Variants in ZGRF1 observed in about 807,000 individuals in gnomAD.
ZGRF1 encodes the protein zinc finger GRF-type containing 1.
A neutral mutation model predicts 203.5 loss-of-function variants in ZGRF1; 196 were observed. The ratio of observed to expected loss-of-function variants is 0.96; its 90% CI spans 0.86 to 1.08. The LOEUF is 1.08. ZGRF1 is among the 50% of genes least tolerant of loss of function. The probability of loss-of-function intolerance (pLI) is 0.00; values close to 1 mark genes in which losing one functional copy is unlikely to be tolerated. For missense variants in ZGRF1, 2,326 were observed against 2,416.3 expected, an observed-to-expected ratio of 0.96 and a Z score of 0.78; for synonymous variants, 809 against 841.3, an observed-to-expected ratio of 0.96 and a Z score of 0.66.
chr4:112,612,170 C>G (rs970583937), intron 7 of ZGRF1, among the ~76,000 whole-genome samples: 7 of 152,052 alleles, frequency 4.6e-5, no homozygotes, highest in African/African-American at 1.7e-4. Context: ...TTCACCACAT[C>G]AGCCAGGCTG....
intron 6 of ZGRF1, among the ~76,000 whole-genome samples, chr4:112,615,993 T>C (rs530086625): frequency 1.6e-4 from 24 of 152,288 alleles, no homozygotes; most frequent in African/African-American, 5.5e-4. Context: ...TAACTACATT[T>C]CAAAGAATCA....
intron 22 of ZGRF1, among the ~76,000 whole-genome samples, chr4:112,549,975 G>C (rs1222792212): frequency 6.6e-6 from 1 of 151,906 alleles, no homozygotes; most frequent in Non-Finnish European, 1.5e-5. Context: ...GGCAGATCAC[G>C]AGGTCAGGAG....
chr4:112,619,469 A>G lies in ZGRF1; in HGVS notation c.573T>C (p.Asp191=). The G allele has an allele frequency of 6.2e-7, 1 of 1,612,042 alleles. No individual in the cohort carries two copies. Among genetic ancestry groups the G allele is most frequent in the Non-Finnish European group, 8.5e-7 (1 of 1,178,836 alleles). ...AGGATGGAGAAAAAACCGAAGAAAA[A>G]TCCATGGCATTTCTCTCCCTGTTCT... is the stretch of plus-strand genomic sequence containing the variant. ...TYKNRERNAM[D]FSSVFSPSFQ... The change falls in exon 6 of 28, where the codon GAT becomes GAC. Residue 191 remains aspartate, a synonymous_variant. Coordinates refer to ENST00000505019, the MANE Select transcript of ZGRF1 (RefSeq NM_018392.5).
chr4:112,567,189 C>T (rs1743269678), intron 16 of ZGRF1, among the ~76,000 whole-genome samples: 1 of 152,066 alleles, frequency 6.6e-6, no homozygotes, highest in East Asian at 1.9e-4. Context: ...TGGGGCTCTC[C>T]ACCCCATAGC....
At chr4:112,622,296 A>T (rs1178282516) in intron 4 of ZGRF1, among the ~76,000 whole-genome samples, 1 of 151,522 alleles carries the variant, frequency 6.6e-6, no homozygotes, top group Non-Finnish European at 1.5e-5. Context: ...AGGCACGTGG[A>T]TCACTTGAGG....
intron 10 of ZGRF1, among the ~76,000 whole-genome samples, chr4:112,592,096 CT>C (rs961223953): frequency 1.7e-3 from 223 of 128,576 alleles, no homozygotes; most frequent in Middle Eastern, 8.7e-3. Context: ...CTCATTCATT[CT>C]TTTTTTTTTT....
At chr4:112,540,743 A>G in intron 26 of ZGRF1, 78 bp downstream of exon 26, 1 of 1,209,920 alleles carries the variant, frequency 8.3e-7, no homozygotes, top group Non-Finnish European at 1.1e-6. Context: ...ACCAACTACT[A>G]TAAATGTAAT....
chr4:112,628,746 G>T, intron 3 of ZGRF1: 1 of 451,174 alleles, frequency 2.2e-6, no homozygotes, highest in Non-Finnish European at 4.5e-6. Flanking sequence ...TTGGATAATA[G>T]CACTAGCATG....
chr4:112,630,859 C>T (rs997037114), intron 3 of ZGRF1, among the ~76,000 whole-genome samples: 2 of 151,630 alleles, frequency 1.3e-5, no homozygotes, highest in African/African-American at 4.9e-5. Context: ...TGCACTCCAA[C>T]CCGGGCAACA....
chr4:112,540,831 T>C lies in ZGRF1; in HGVS notation c.5900A>G (p.Gln1967Arg). ...ATACATAATACCAACCTTGTACATC[T>C]GGGATTTGTATAATGTTATCACACC... ...MIGVITLYKS[Q>R]MYKLCHLLSA... Residue 1967 changes from glutamine (Q) to arginine (R), a missense_variant, in exon 26 of 28, where the codon CAG (glutamine) becomes CGG (arginine). Physicochemically the swap from Gln to Arg is conservative, Grantham distance 43. Coordinates refer to ENST00000505019, the MANE Select transcript of ZGRF1 (RefSeq NM_018392.5). 1.9e-6 allele frequency: 3 copies of C among 1,593,744 alleles called. No individual in the cohort carries two copies. Among genetic ancestry groups the C allele is most frequent in the South Asian group, 1.1e-5 (1 of 87,944 alleles).
chr4:112,606,113 T>C, intron 8 of ZGRF1, 22 bp from the exon 9 acceptor site: 2 of 1,369,234 alleles, frequency 1.5e-6, no homozygotes, highest in Non-Finnish European at 2.0e-6. Flanking sequence ...TATGAATAAG[T>C]TATCTAGTTA....
intron 1 of ZGRF1, 77 bp from the exon 2 acceptor site, chr4:112,633,319 C>T (rs2047474584): frequency 1.5e-6 from 1 of 664,284 alleles, no homozygotes; most frequent in Non-Finnish European, 2.6e-6. Context: ...AATAAACTCC[C>T]AACCACAGAC....
rs1466404135 is a variant in ZGRF1, at chr4:112,587,843, G to A, written c.3214C>T (p.Pro1072Ser). ...SRTQVPLITL[P>S]RTDGPPDLDS... is the part of the protein sequence containing the mutation. ...AAGTCAGGTGGCCCATCAGTACGTG[G>A]CAAAGTAATAAGTGGAACCTGGGTT... Residue 1072 changes from proline to serine, a missense_variant, in exon 12 of 28, where the codon CCA becomes TCA. Coordinates refer to ENST00000505019, the MANE Select transcript of ZGRF1 (RefSeq NM_018392.5). The A allele has an allele frequency of 3.9e-6, 6 of 1,551,138 alleles. No homozygotes were observed. The highest frequency in any genetic ancestry group is 4.4e-6 in the Non-Finnish European group (5 of 1,146,748).
At chr4:112,560,493 G>T (rs1178555893) in intron 19 of ZGRF1, among the ~76,000 whole-genome samples, 1 of 152,132 alleles carries the variant, frequency 6.6e-6, no homozygotes, top group Non-Finnish European at 1.5e-5. Flanking sequence ...AGATCAATCT[G>T]GATACTTTGA....
intron 7 of ZGRF1, 91 bp downstream of exon 7, chr4:112,612,433 G>A (rs1231895104): frequency 4.9e-6 from 4 of 812,178 alleles, no homozygotes; most frequent in East Asian, 2.7e-5. Flanking sequence ...AACCAAGATA[G>A]CTTGGGACTG....
chr4:112,576,620 G>A (rs942824223), intron 16 of ZGRF1, among the ~76,000 whole-genome samples: 1 of 152,084 alleles, frequency 6.6e-6, no homozygotes, highest in African/African-American at 2.4e-5. Context: ...CACGAGAACT[G>A]CATGATAAAT....
intron 24 of ZGRF1, among the ~76,000 whole-genome samples, chr4:112,542,327 T>C (rs925855716): frequency 6.6e-6 from 1 of 152,152 alleles, no homozygotes; most frequent in African/African-American, 2.4e-5. Flanking sequence ...TTATGGTATA[T>C]CTGCACAACA....
At chr4:112,624,695 T>C (rs2047173877) in intron 3 of ZGRF1, among the ~76,000 whole-genome samples, 1 of 152,110 alleles carries the variant, frequency 6.6e-6, no homozygotes, top group Admixed American at 6.5e-5. Flanking sequence ...GTGATTACCA[T>C]TTTCTAGCTT....
intron 5 of ZGRF1, 140 bp downstream of exon 5, chr4:112,619,862 G>T: frequency 1.1e-6 from 1 of 904,880 alleles, no homozygotes; most frequent in Non-Finnish European, 1.6e-6. Flanking sequence ...ATTTTTCAAA[G>T]TAGGGTTTAC....
Sources: allele counts gnomAD v4.1 joint callset (sites outside exome capture counted in the v4.1 genomes callset), GRCh38; gene constraint gnomAD v4.1.1; transcripts MANE v1.5; gene names NCBI Gene and HGNC (gene_info 2026-07-23, HGNC 2026-07-21).